Variants in XXYLT1 observed in about 807,000 individuals in gnomAD.
The protein encoded by XXYLT1 is xyloside xylosyltransferase 1, also known as UDP-xylose:alpha-xyloside alpha-1,3-xylosyltransferase.
In XXYLT1, 20 loss-of-function variants were observed where a neutral mutation model predicts 28.9. The ratio of observed to expected loss-of-function variants is 0.69; its 90% CI spans 0.49 to 1.00. The LOEUF (loss-of-function observed/expected upper bound fraction) is 1.00. Ranked by LOEUF, XXYLT1 falls within the 50% of genes least tolerant of loss-of-function variation. The probability of loss-of-function intolerance (pLI) is 0.00; values close to 1 mark genes in which losing one functional copy is unlikely to be tolerated. For synonymous variants in XXYLT1, 257 were observed against 253.8 expected (o/e 1.01, Z -0.12); for missense variants, 542 against 560.1 (o/e 0.97, Z 0.33).
intron 2 of XXYLT1, among the ~76,000 whole-genome samples, chr3:195,218,591 A>C (rs1475281661): frequency 6.6e-6 from 1 of 152,132 alleles, no homozygotes; most frequent in Admixed American, 6.5e-5. Flanking sequence ...CCATCAGAGA[A>C]ATGCAAATCA....
intron 1 of XXYLT1, among the ~76,000 whole-genome samples, chr3:195,265,359 T>C (rs1345630250): frequency 1.4e-5 from 2 of 142,076 alleles, no homozygotes; most frequent in African/African-American, 5.3e-5. Flanking sequence ...AGAACGAGAC[T>C]CCATCTCAAA....
intron 1 of XXYLT1, among the ~76,000 whole-genome samples, chr3:195,254,313 C>T (rs980344148): frequency 2.0e-5 from 3 of 152,244 alleles, no homozygotes; most frequent in Admixed American, 6.5e-5. Flanking sequence ...AACCACAGGA[C>T]GCAGGCTCGA....
chr3:195,230,268 T>A (rs1033249330), intron 1 of XXYLT1, among the ~76,000 whole-genome samples: 2 of 152,248 alleles, frequency 1.3e-5, no homozygotes, highest in African/African-American at 4.8e-5. Context: ...GAGCCCCTTA[T>A]ATAATCTGGT....
chr3:195,227,520 G>C (rs565576758), intron 1 of XXYLT1, among the ~76,000 whole-genome samples: 2 of 152,308 alleles, frequency 1.3e-5, no homozygotes, highest in Admixed American at 6.5e-5. Context: ...AAAGCACTTA[G>C]AAGTCCAGAG....
At chr3:195,104,834 T>G (rs1479136873) in intron 3 of XXYLT1, among the ~76,000 whole-genome samples, 1 of 152,240 alleles carries the variant, frequency 6.6e-6, no homozygotes, top group Non-Finnish European at 1.5e-5. Context: ...CCCTCTTCTG[T>G]CTGGTCTGTG....
rs117283539 is a variant in XXYLT1 at position 195,264,120 on chromosome 3, T to G, written c.504+6435A>C. Among the ~76,000 whole-genome samples, 16 of 152,306 alleles carry G rather than the reference T, an allele frequency of 1.1e-4. No homozygotes were observed. The East Asian group carries it at 3.1e-3, about 29-fold the overall frequency. On this transcript the variant is annotated intron_variant, in intron 1 of 3. Coordinates refer to ENST00000310380, the MANE Select transcript of XXYLT1 (RefSeq NM_152531.5). ...GGGAGGCAAGCAGCTGCCAGAGCTG[T>G]CTGTGCCTCCAGAAGTCTGTCCAGT...
At chr3:195,233,565 C>A (rs1464855592) in intron 1 of XXYLT1, among the ~76,000 whole-genome samples, 1 of 152,132 alleles carries the variant, frequency 6.6e-6, no homozygotes, top group Admixed American at 6.5e-5. Flanking sequence ...TTTTATAACA[C>A]ATTATTTTAA....
chr3:195,153,054 AGCAATGGCCAAGCCCAAGG>A (rs1265927562), intron 3 of XXYLT1, among the ~76,000 whole-genome samples: 13 of 152,234 alleles, frequency 8.5e-5, no homozygotes, highest in African/African-American at 2.9e-4. Context: ...TGACGGCCGC[AGCAATGGCCAAGCCCAAGG>A]GCCGAGACCG....
Position 195,270,990 on chromosome 3 carries a change from G to C in XXYLT1, c.69C>G (p.His23Gln). Residue 23 changes from histidine to glutamine, a missense_variant, in exon 1 of 4, where the codon CAC becomes CAG. Physicochemically the swap from His to Gln is conservative, Grantham distance 24. Coordinates refer to ENST00000310380, the MANE Select transcript of XXYLT1 (RefSeq NM_152531.5). ...AMARLGAVRS[H>Q]YCALLLAAAL... ...CCGCGGCCAGCAGCAGGGCGCAGTA[G>C]TGGGAGCGCACAGCGCCCAGGCGCG... 6.7e-7 allele frequency: 1 copy of C among 1,482,264 alleles called. No individual in the cohort carries two copies. The highest frequency in any genetic ancestry group is 1.3e-5 in the South Asian group (1 of 78,282). The allele number at this position is 1,482,264 out of a possible 1,614,324, so 91.8% of individuals were successfully genotyped here. A position where few individuals can be genotyped will look rare whatever the true frequency, so the allele number is the denominator to read the frequency against.
Position 195,069,541 on chromosome 3 carries a change from C to G in XXYLT1, c.*174G>C. 1 of 901,082 alleles carries G rather than the reference C, an allele frequency of 1.1e-6. No homozygotes were observed. The allele number at this position is 901,082 out of a possible 1,614,324, so 55.8% of individuals were successfully genotyped here. The stretch of plus-strand genomic sequence containing the variant: ...AGCACCAGCAGTGCACAGGCCAGTC[C>G]TTGGCGGGTGGCCTCAGCACAGTGA... On this transcript the variant is annotated 3_prime_UTR_variant, in exon 4 of 4. Coordinates refer to ENST00000310380, the MANE Select transcript of XXYLT1 (RefSeq NM_152531.5).
chr3:195,163,284 T>C (rs1244890511), intron 2 of XXYLT1, among the ~76,000 whole-genome samples: 1 of 152,228 alleles, frequency 6.6e-6, no homozygotes, highest in East Asian at 1.9e-4. Flanking sequence ...GGCTCCTGTT[T>C]CTAATCTCAC....
At chr3:195,175,729 G>A (rs1721633336) in intron 2 of XXYLT1, 2 of 1,535,128 alleles carry the variant, frequency 1.3e-6, no homozygotes, top group African/African-American at 1.4e-5. Flanking sequence ...ACTCTGGACT[G>A]TAGCAGTGAG....
At chr3:195,234,622 A>G (rs1400729901) in intron 1 of XXYLT1, among the ~76,000 whole-genome samples, 1 of 152,122 alleles carries the variant, frequency 6.6e-6, no homozygotes, top group African/African-American at 2.4e-5. Flanking sequence ...CCCAGCCTGA[A>G]GGATATTTTT....
intron 2 of XXYLT1, among the ~76,000 whole-genome samples, chr3:195,172,714 G>A (rs1253469532): frequency 6.6e-6 from 1 of 152,196 alleles, no homozygotes; most frequent in Non-Finnish European, 1.5e-5. Flanking sequence ...GGGGGAGAAT[G>A]TGACATTGTG....
chr3:195,166,247 CAATTTTAATTA>C (rs1285163973), intron 2 of XXYLT1, among the ~76,000 whole-genome samples: 1 of 151,864 alleles, frequency 6.6e-6, no homozygotes, highest in Non-Finnish European at 1.5e-5. Flanking sequence ...GTCTATTTCC[CAATTTTAATTA>C]AATTTTAATT....
chr3:195,083,974 C>G (rs150988533), intron 3 of XXYLT1, among the ~76,000 whole-genome samples: 1 of 151,788 alleles, frequency 6.6e-6, no homozygotes. Context: ...TGCAGCGAGC[C>G]GAGATTGCAC....
At chr3:195,228,258 G>A (rs1383956638) in intron 1 of XXYLT1, among the ~76,000 whole-genome samples, 2 of 149,588 alleles carry the variant, frequency 1.3e-5, no homozygotes, top group Admixed American at 6.6e-5. Flanking sequence ...TGACTGCCCT[G>A]TTTACACTGT....
At chr3:195,245,840 G>C (rs1344759787) in intron 1 of XXYLT1, among the ~76,000 whole-genome samples, 1 of 152,150 alleles carries the variant, frequency 6.6e-6, no homozygotes, top group Non-Finnish European at 1.5e-5. Flanking sequence ...TCCTGCCCCT[G>C]CTCTCACCCT....
At chr3:195,083,058 A>G (rs929557254) in intron 3 of XXYLT1, among the ~76,000 whole-genome samples, 7 of 152,062 alleles carry the variant, frequency 4.6e-5, no homozygotes, top group Admixed American at 2.6e-4. Context: ...ACAACGCTCA[A>G]CCCTCCGGAG....
Sources: allele counts gnomAD v4.1 joint callset (sites outside exome capture counted in the v4.1 genomes callset), GRCh38; gene constraint gnomAD v4.1.1; transcripts MANE v1.5; gene names NCBI Gene and HGNC (gene_info 2026-07-23, HGNC 2026-07-21).